The following PGLYRP2 variants were observed in gnomAD, a reference collection of about 807,000 sequenced individuals.
PGLYRP2 encodes N-acetylmuramoyl-L-alanine amidase.
Under a neutral mutation model 46.2 loss-of-function variants are expected in PGLYRP2, and 38 were observed. That is an observed-to-expected ratio of 0.82 (90% CI 0.64 to 1.08). The LOEUF is 1.08. PGLYRP2 is among the 50% of genes least tolerant of loss of function. PGLYRP2 has a pLI of 0.00. For synonymous variants in PGLYRP2, 289 were observed against 329.4 expected (o/e 0.88, Z 1.33); for missense variants, 713 against 755.9 (o/e 0.94, Z 0.67).
rs1970715896 is a variant in PGLYRP2, at chr19:15,468,691, C to T, written c.1703G>A (p.Arg568Lys). Residue 568 changes from arginine (R) to lysine (K), a missense_variant, in exon 5 of 5, where the codon AGG (arginine) becomes AAG (lysine). Coordinates refer to ENST00000340880, the MANE Select transcript of PGLYRP2 (RefSeq NM_052890.4). ...TTGGAGGTCTGTGGCTGGCAGGGTC[C>T]TTGGGGGTGGCTCCCTCCTGGATCT... is the stretch of plus-strand genomic sequence containing the variant. The part of the protein sequence containing the change: ...SKRSRREPPP[R>K]TLPATDLQ 1 of 1,612,910 alleles carries T rather than the reference C, an allele frequency of 6.2e-7. No homozygotes were observed. Among genetic ancestry groups the T allele is most frequent in the Admixed American group, 1.7e-5 (1 of 59,798 alleles).
At chr19:15,470,285 CTTCCTTCCTTCTTTCT>C (rs1187457749) in intron 3 of PGLYRP2, among the ~76,000 whole-genome samples, 4 of 124,986 alleles carry the variant, frequency 3.2e-5, no homozygotes, top group Non-Finnish European at 6.7e-5. Context: ...TCCTTCCTTC[CTTCCTTCCTTCTTTCT>C]TTCTTTCTTT....
rs774005873 is a variant in PGLYRP2, at chr19:15,469,732, C to T, written c.1541G>A (p.Arg514Gln). 1.1e-5 allele frequency: 16 copies of T among 1,487,824 alleles called. No homozygotes were observed. The South Asian group carries it at 1.2e-4, about 11-fold the overall frequency. The allele number at this position is 1,487,824 out of a possible 1,614,324, so 92.2% of individuals were successfully genotyped here. A position where few individuals can be genotyped will look rare whatever the true frequency, so the allele number is the denominator to read the frequency against. The stretch of plus-strand genomic sequence containing the variant: ...GTGGCCCAGCAGCGCGTAGTCTGGC[C>T]GCAGGAGGCCGGCGCGCACCGCACA... ...PSCAVRAGLL[R>Q]PDYALLGHRQ... Residue 514 changes from arginine to glutamine, a missense_variant, in exon 4 of 5, where the codon CGG becomes CAG. Coordinates refer to ENST00000340880, the MANE Select transcript of PGLYRP2 (RefSeq NM_052890.4). This position sits in a 1 kb window ranked among gnomAD's most constrained non-coding sequence, Gnocchi z 4.9.
In PGLYRP2 at chr19:15,475,694, G is replaced by A; in HGVS notation, c.976C>T (p.Leu326=). ...TGGGCCAGGATGGAGGCTGAAGTCA[G>A]AGCAGCACCGTTCTGCCGTCGGAAG... ...SNFRRQNGAA[L]TSASILAQQV... The change falls in exon 2 of 5, where the codon CTG becomes TTG. Residue 326 remains leucine, a synonymous_variant. Transcript: ENST00000340880. The A allele has an allele frequency of 6.2e-7, 1 of 1,614,134 alleles. No individual in the cohort carries two copies. The highest frequency in any genetic ancestry group is 8.5e-7 in the Non-Finnish European group (1 of 1,180,014).
rs771173904 is a variant in PGLYRP2, at chr19:15,475,912, G to A, written c.758C>T (p.Ser253Phe). The change falls in exon 2 of 5, where the codon TCT becomes TTT. Residue 253 changes from serine to phenylalanine, a missense_variant. Coordinates refer to ENST00000340880, the MANE Select transcript of PGLYRP2 (RefSeq NM_052890.4). ...LGTEGCWDQL[S>F]APRTFTLLDP... ...CAAAAGCGTAAAGGTCCGAGGGGCA[G>A]AGAGCTGGTCCCAGCAGCCCTCAGT... 2.5e-6 allele frequency: 4 copies of A among 1,614,180 alleles called. No individual in the cohort carries two copies. The highest frequency in any genetic ancestry group is 2.2e-5 in the South Asian group (2 of 91,086).
intron 2 of PGLYRP2, among the ~76,000 whole-genome samples, chr19:15,473,470 C>CAAAAAAAAAAAAAAAAAAAAA (rs56053684): frequency 2.7e-5 from 1 of 36,460 alleles, no homozygotes; most frequent in African/African-American, 1.0e-4. Flanking sequence ...AACTCTGTCT[C>CAAAAAAAAAAAAAAAAAAAAA]AAAAAAAAAA....
chr19:15,477,558 C>T (rs192530284), intron 1 of PGLYRP2, among the ~76,000 whole-genome samples: 1 of 151,500 alleles, frequency 6.6e-6, no homozygotes, highest in African/African-American at 2.4e-5. Flanking sequence ...ATTAGCTGGG[C>T]ATGGTGGCAC....
At position 15,479,298 on chromosome 19, in the gene PGLYRP2, C is replaced by A. The variant is rs764053038; in HGVS notation, c.61+13G>T. Reference sequence around the variant, plus strand: ...CAAGAGGTTTGGTCCCAGGACTCTGCCCCCTGACTCACCTGTCCCTGGGTC... The same window carrying A: ...CAAGAGGTTTGGTCCCAGGACTCTGACCCCTGACTCACCTGTCCCTGGGTC... On this transcript the variant is annotated intron_variant, in intron 1 of 4. Coordinates refer to ENST00000340880, the MANE Select transcript of PGLYRP2 (RefSeq NM_052890.4). The A allele has an allele frequency of 6.2e-7, 1 of 1,613,852 alleles. No individual in the cohort carries two copies. Among genetic ancestry groups the A allele is most frequent in the Non-Finnish European group, 8.5e-7 (1 of 1,179,804 alleles).
In PGLYRP2 at chr19:15,479,402, T is replaced by A; in HGVS notation, c.-31A>T. 6.2e-7 allele frequency: 1 copy of A among 1,611,376 alleles called. No individual in the cohort carries two copies. Among genetic ancestry groups the A allele is most frequent in the East Asian group, 2.2e-5 (1 of 44,760 alleles). ...CAGGATTCCAGCTTCCAAGGGGTAT[T>A]TCTGGTTGGCCTCGGCAGAGAACCT... On this transcript the variant is annotated 5_prime_UTR_variant, in exon 1 of 5. Transcript: ENST00000340880.
chr19:15,469,987 T>G lies in PGLYRP2; in HGVS notation c.1344-58A>C. 7.5e-7 allele frequency: 1 copy of G among 1,339,774 alleles called. No homozygotes were observed. Among genetic ancestry groups the G allele is most frequent in the Non-Finnish European group, 9.6e-7 (1 of 1,046,690 alleles). 83.0% of individuals were successfully genotyped at this position (1,339,774 alleles called of 1,614,324 possible). A position where few individuals can be genotyped will look rare whatever the true frequency, so the allele number is the denominator to read the frequency against. ...GGCGTGAGGGGGACCCGGGCCCTTA[T>G]CCGCTCCCCTCCCCGATTCTGTTGG... On this transcript the variant is annotated intron_variant, in intron 3 of 4. Coordinates refer to ENST00000340880, the MANE Select transcript of PGLYRP2 (RefSeq NM_052890.4). This position sits in a 1 kb window ranked among gnomAD's most constrained non-coding sequence, Gnocchi z 4.9.
In PGLYRP2 at chr19:15,469,792, G is replaced by T. The variant is rs748388249; in HGVS notation, c.1481C>A (p.Ala494Asp). 2 of 1,513,224 alleles carry T rather than the reference G, an allele frequency of 1.3e-6. No homozygotes were observed. Among genetic ancestry groups the T allele is most frequent in the Non-Finnish European group, 1.8e-6 (2 of 1,139,754 alleles). 93.7% of individuals were successfully genotyped at this position (1,513,224 alleles called of 1,614,324 possible). ...CGTGTCGCGCACCGTGCGCAGAGCG[G>T]CCTCGGTGGGCAGCGCCGCGGTGTA... ...GNYTAALPTE[A>D]ALRTVRDTLP... Residue 494 changes from alanine (A) to aspartate (D), a missense_variant, in exon 4 of 5, where the codon GCC becomes GAC. Ala to Asp is a moderately radical substitution (Grantham distance 126, BLOSUM62 -2). Transcript: ENST00000340880. This position sits in a 1 kb window ranked among gnomAD's most constrained non-coding sequence, Gnocchi z 4.9.
Position 15,476,240 on chromosome 19 carries a change from T to C in PGLYRP2, c.430A>G (p.Ser144Gly), listed in dbSNP as rs145036720. 34 of 1,614,078 alleles carry C rather than the reference T, an allele frequency of 2.1e-5. No homozygotes were observed. The Admixed American group carries it at 2.5e-4, about 12-fold the overall frequency. Residue 144 changes from serine (S) to glycine (G), a missense_variant, in exon 2 of 5, where the codon AGC (serine) becomes GGC (glycine). Physicochemically the swap from Ser to Gly is moderately conservative, Grantham distance 56. Transcript: ENST00000340880. ...GRRVINLPLD[S>G]MAAPWETGDT... ...CCAGTCTCCCAAGGGGCAGCCATGC[T>C]GTCCAAGGGCAAATTTATGACCCTG...
At position 15,475,703 on chromosome 19, in the gene PGLYRP2, C is replaced by T. The variant is rs751561676; in HGVS notation, c.967G>A (p.Gly323Ser). The T allele has an allele frequency of 1.7e-5, 27 of 1,613,968 alleles. No homozygotes were observed. Among genetic ancestry groups the T allele is most frequent in the Middle Eastern group, 1.6e-4 (1 of 6,082 alleles). Residue 323 changes from glycine to serine, a missense_variant, in exon 2 of 5, where the codon GGT becomes AGT. Transcript: ENST00000340880. ...GFRSNFRRQN[G>S]AALTSASILA... ...ATGGAGGCTGAAGTCAGAGCAGCAC[C>T]GTTCTGCCGTCGGAAGTTGCTGCGG...
intron 3 of PGLYRP2, among the ~76,000 whole-genome samples, chr19:15,470,802 G>A (rs1179008991): frequency 6.7e-6 from 1 of 149,146 alleles, no homozygotes; most frequent in African/African-American, 2.5e-5. Flanking sequence ...GCACCACCAC[G>A]CCCGGCTAAT....
rs1424504851 is a variant in PGLYRP2, at chr19:15,469,019, G to A, written c.1642-267C>T. On this transcript the variant is annotated intron_variant, in intron 4 of 4. Transcript: ENST00000340880. The surrounding 1 kb of genome is among the most constrained non-coding windows in gnomAD (Gnocchi z 4.9). ...ATCAAGGGCTGGGATGAGGTCATCA[G>A]GTCAAAGTTGTGCTGGCATAAGAGT... 3.1e-5 allele frequency: 16 copies of A among 511,198 alleles called. No individual in the cohort carries two copies. Among genetic ancestry groups the A allele is most frequent in the Non-Finnish European group, 5.2e-5 (15 of 286,634 alleles). 31.7% of individuals were successfully genotyped at this position (511,198 alleles called of 1,614,324 possible).
Position 15,476,133 on chromosome 19 carries a change from A to G in PGLYRP2, c.537T>C (p.Asp179=). Residue 179 remains aspartate (D), a synonymous_variant, in exon 2 of 5, where the codon GAT becomes GAC. Transcript: ENST00000340880. ...TGGCTCCAATATCTGCAGTGGTGAC[A>G]TCTGGAGAGCCATCCCTGAGTCCTG... The part of the protein sequence containing the change: ...SSPGLRDGSP[D]VTTADIGANT... 6.2e-7 allele frequency: 1 copy of G among 1,614,190 alleles called. No homozygotes were observed. The highest frequency in any genetic ancestry group is 1.1e-5 in the South Asian group (1 of 91,082).
Position 15,479,325 on chromosome 19 carries a change from G to A in PGLYRP2, c.47C>T (p.Ser16Leu). 1.2e-6 allele frequency: 2 copies of A among 1,614,056 alleles called. No homozygotes were observed. Among genetic ancestry groups the A allele is most frequent in the Non-Finnish European group, 1.7e-6 (2 of 1,179,974 alleles). Reference protein sequence around the residue: ...LWILLGLLLWSDPGTASLPLL... With the variant: ...LWILLGLLLWLDPGTASLPLL... ...CCCTGACTCACCTGTCCCTGGGTCT[G>A]ACCACAGTAGCAATCCGAGTAGGAT... The change falls in exon 1 of 5, where the codon TCA becomes TTA. Residue 16 changes from serine (S) to leucine (L), a missense_variant. Physicochemically the swap from Ser to Leu is moderately radical, Grantham distance 145. Coordinates refer to ENST00000340880, the MANE Select transcript of PGLYRP2 (RefSeq NM_052890.4).
chr19:15,471,446 G>A (rs1568340622), intron 3 of PGLYRP2, among the ~76,000 whole-genome samples: 2 of 151,418 alleles, frequency 1.3e-5, no homozygotes, highest in Admixed American at 6.6e-5. Flanking sequence ...AGAGATGGGT[G>A]GTGTGGGGGG....
intron 2 of PGLYRP2, among the ~76,000 whole-genome samples, chr19:15,472,596 C>A (rs181431536): frequency 0.023 from 3,292 of 145,810 alleles, 109 homozygotes; most frequent in African/African-American, 0.08. Flanking sequence ...CTGTCCCCCC[C>A]AAAAAAAAAT....
intron 2 of PGLYRP2, 97 bp from the exon 3 acceptor site, chr19:15,472,197 C>T (rs1354287679): frequency 1.0e-5 from 11 of 1,062,046 alleles, no homozygotes; most frequent in Non-Finnish European, 1.4e-5. Context: ...CCCTCAGCCT[C>T]CTCTCAGATT....
Sources: gnomAD v4.1 joint callset for allele counts (sites outside exome capture counted in the v4.1 genomes callset) on GRCh38, gnomAD v4.1.1 for gene constraint, Gnocchi (gnomAD v3.1) non-coding constraint, MANE v1.5 for transcripts, NCBI Gene and HGNC (gene_info 2026-07-23, HGNC 2026-07-21) for gene names.